HNRNPM: variants seen among roughly 807,000 people sequenced by gnomAD.
HNRNPM encodes the protein heterogeneous nuclear ribonucleoprotein M, also known as CEA receptor.
In HNRNPM, 11 loss-of-function variants were observed where a neutral mutation model predicts 73.1. That is an observed-to-expected ratio of 0.15 (90% CI 0.09 to 0.25). The LOEUF is 0.25. Ranked by LOEUF, HNRNPM falls within the 10% of genes least tolerant of loss-of-function variation. The pLI is 1.00. For missense variants in HNRNPM, 789 were observed against 1,067.9 expected, an observed-to-expected ratio of 0.74 and a Z score of 3.64; for synonymous variants, 407 against 355.2, an observed-to-expected ratio of 1.15 and a Z score of -1.64.
intron 1 of HNRNPM, among the ~76,000 whole-genome samples, chr19:8,446,524 C>T (rs544180760): frequency 1.3e-5 from 2 of 152,318 alleles, no homozygotes; most frequent in South Asian, 4.1e-4. Context: ...ATCCTTCCAT[C>T]TCAGCCTCCT....
chr19:8,445,493 C>T (rs561102493), intron 1 of HNRNPM: 7 of 172,194 alleles, frequency 4.1e-5, no homozygotes, highest in Non-Finnish European at 7.3e-5. Flanking sequence ...CCCCCGTCCC[C>T]TCTCCTCCCG....
chr19:8,445,186 T>G (rs1968045596), intron 1 of HNRNPM, 75 bp downstream of exon 1: 4 of 1,253,220 alleles, frequency 3.2e-6, no homozygotes, highest in South Asian at 4.2e-5. Flanking sequence ...CTCCGTTAGG[T>G]CTGTTGGCGG....
Position 8,486,038 on chromosome 19 carries a change from T to C in HNRNPM, c.1610T>C (p.Met537Thr). The C allele has an allele frequency of 3.1e-6, 5 of 1,605,884 alleles. No homozygotes were observed. Among genetic ancestry groups the C allele is most frequent in the Non-Finnish European group, 4.2e-6 (5 of 1,179,356 alleles). ...ATGGAGCGCATGGTGCCCGCAGGTA[T>C]GGGAGCTGGCCTGGAGCGCATGGGC... ...LSMERMVPAG[M>T]GAGLERMGPV... The change falls in exon 14 of 16, where the codon ATG becomes ACG. Residue 537 changes from methionine (M) to threonine (T), a missense_variant. Around this residue, in one of 4 missense-constraint regions of HNRNPM, gnomAD observed 604 missense variants for 744.0 expected, o/e 0.81. Transcript: ENST00000325495.
chr19:8,470,633 AC>A lies in HNRNPM; in HGVS notation c.896-692del. ...GTGAGCCACTGCGCCTGCCCTTGTT[AC>A]GATTTTTAAAAGCTTACCTGGTTGT... On this transcript the variant is annotated intron_variant, in intron 9 of 15. Coordinates refer to ENST00000325495, the MANE Select transcript of HNRNPM (RefSeq NM_005968.5). Among the ~76,000 whole-genome samples the A allele has an allele frequency of 2.0e-5, 3 of 152,130 alleles. No individual in the cohort carries two copies. In the Middle Eastern group the frequency reaches 0.01, roughly 517 times the overall value.
Position 8,486,277 on chromosome 19 carries a change from G to A in HNRNPM, c.1849G>A (p.Ala617Thr), listed in dbSNP as rs199580243. The A allele has an allele frequency of 8.9e-5, 142 of 1,601,476 alleles. No individual in the cohort carries two copies. The highest frequency in any genetic ancestry group is 1.0e-4 in the Non-Finnish European group (123 of 1,179,874). Reference sequence around the variant, plus strand: ...CCTGGCCATGGGTGGCGGTGGCGGTGCCAGCTTTGACCGTGCCATCGAGAT... The same window carrying A: ...CCTGGCCATGGGTGGCGGTGGCGGTACCAGCTTTGACCGTGCCATCGAGAT... ...MGLAMGGGGGASFDRAIEMER... is the reference protein window; with the variant it reads ...MGLAMGGGGGTSFDRAIEMER... The change falls in exon 14 of 16, where the codon GCC becomes ACC. Residue 617 changes from alanine (A) to threonine (T), a missense_variant. Ala to Thr is a moderately conservative substitution (Grantham distance 58). This residue lies in a region of HNRNPM where 604 missense variants were observed against 744.0 expected (regional missense o/e 0.81). Transcript: ENST00000325495.
In HNRNPM at chr19:8,463,443, C is replaced by A. The variant is rs892187429; in HGVS notation, c.337-54C>A. On this transcript the variant is annotated intron_variant, in intron 3 of 15. Coordinates refer to ENST00000325495, the MANE Select transcript of HNRNPM (RefSeq NM_005968.5). ...TGTCATTGATATTTACTATTTTTTTCTTTTCTTTTTCCCCTTCCTTGCTCT... is the reference window on the plus strand; with the variant it reads ...TGTCATTGATATTTACTATTTTTTTATTTTCTTTTTCCCCTTCCTTGCTCT... 7.6e-6 allele frequency: 12 copies of A among 1,579,720 alleles called. No individual in the cohort carries two copies. The South Asian group carries it at 7.8e-5, about 10-fold the overall frequency.
chr19:8,484,325 C>T (rs971370084), intron 13 of HNRNPM, among the ~76,000 whole-genome samples: 2 of 152,036 alleles, frequency 1.3e-5, no homozygotes, highest in East Asian at 1.9e-4. Context: ...TACGGGCGCA[C>T]GCCACCATAC....
chr19:8,454,684 C>CT (rs57290220), intron 1 of HNRNPM, among the ~76,000 whole-genome samples: 1,506 of 118,782 alleles, frequency 0.013, 5 homozygotes, highest in South Asian at 0.036. Context: ...CCCCCCCCCC[C>CT]TTTTTTTTTT....
At chr19:8,445,370 C>T in intron 1 of HNRNPM, 2 of 357,134 alleles carry the variant, frequency 5.6e-6, no homozygotes, top group East Asian at 4.1e-5. Context: ...GTAGTCGAGG[C>T]CTCAGGCCCA....
chr19:8,462,594 G>C lies in HNRNPM; in HGVS notation c.336+13G>C. On this transcript the variant is annotated intron_variant, in intron 3 of 15. Coordinates refer to ENST00000325495, the MANE Select transcript of HNRNPM (RefSeq NM_005968.5). The surrounding 1 kb of genome is among the most constrained non-coding windows in gnomAD (Gnocchi z 4.5). ...AGGAAAGTCAAGGGTAAGTGTCTGAGAGAATTTCTTCTGTGGATTTACTAC... is the reference window on the plus strand; with the variant it reads ...AGGAAAGTCAAGGGTAAGTGTCTGACAGAATTTCTTCTGTGGATTTACTAC... The C allele has an allele frequency of 1.9e-6, 3 of 1,605,656 alleles. No homozygotes were observed. The highest frequency in any genetic ancestry group is 2.6e-6 in the Non-Finnish European group (3 of 1,172,196).
chr19:8,485,841 C>T lies in HNRNPM; in HGVS notation c.1413C>T (p.Arg471=), dbSNP rs1599858417. Reference sequence around the variant, plus strand: ...ACCACATGGCCTCCAGCATTGAGCGCATGGGCCAGACCATGGAGCGCATTG... The same window carrying T: ...ACCACATGGCCTCCAGCATTGAGCGTATGGGCCAGACCATGGAGCGCATTG... ...GLDHMASSIE[R]MGQTMERIGS... is the part of the protein sequence containing the mutation. Residue 471 remains arginine, a synonymous_variant, in exon 14 of 16, where the codon CGC becomes CGT. Transcript: ENST00000325495. The T allele has an allele frequency of 5.0e-6, 8 of 1,603,626 alleles. No individual in the cohort carries two copies. The East Asian group carries it at 1.8e-4, about 36-fold the overall frequency.
rs760552028 is a variant in HNRNPM at position 8,463,704 on chromosome 19, A to C, written c.438+18A>C. On this transcript the variant is annotated intron_variant, in intron 5 of 15. Coordinates refer to ENST00000325495, the MANE Select transcript of HNRNPM (RefSeq NM_005968.5). ...TCAAAGAAGTAAGCTCTTGCTTAAC[A>C]CTGCGGATACTGTGTGTAATTGTTG... 3.4e-6 allele frequency: 5 copies of C among 1,474,038 alleles called. No individual in the cohort carries two copies. Among genetic ancestry groups the C allele is most frequent in the Non-Finnish European group, 3.8e-6 (4 of 1,053,260 alleles). 91.3% of individuals were successfully genotyped at this position (1,474,038 alleles called of 1,614,324 possible).
At chr19:8,458,589 A>T (rs549525700) in intron 2 of HNRNPM, among the ~76,000 whole-genome samples, 126 of 152,238 alleles carry the variant, frequency 8.3e-4, no homozygotes, top group Non-Finnish European at 1.5e-3. Flanking sequence ...TGCAGTGAGT[A>T]AATAGAGCCC....
At chr19:8,465,896 AT>A (rs1336270220) in intron 6 of HNRNPM, among the ~76,000 whole-genome samples, 2 of 152,140 alleles carry the variant, frequency 1.3e-5, no homozygotes, top group Non-Finnish European at 2.9e-5. Flanking sequence ...AAGGGGAAAT[AT>A]TTTTAGAATA....
Position 8,465,373 on chromosome 19 carries a change from C to T in HNRNPM, c.488C>T (p.Thr163Met), listed in dbSNP as rs370089104. 12 of 1,613,410 alleles carry T rather than the reference C, an allele frequency of 7.4e-6. No homozygotes were observed. Among genetic ancestry groups the T allele is most frequent in the Admixed American group, 1.7e-5 (1 of 59,840 alleles). ...AGAGCAATGCAAAAGGTGATGGCTA[C>T]GACTGGTGGGATGGGTATGGGACCA... ...ARRAMQKVMATTGGMGMGPGG... is the reference protein window; with the variant it reads ...ARRAMQKVMAMTGGMGMGPGG... The change falls in exon 6 of 16, where the codon ACG (threonine) becomes ATG (methionine). Residue 163 changes from threonine (T) to methionine (M), a missense_variant. Physicochemically the swap from Thr to Met is moderately conservative, Grantham distance 81. Transcript: ENST00000325495.
At chr19:8,446,695 G>A (rs958532673) in intron 1 of HNRNPM, among the ~76,000 whole-genome samples, 1 of 152,148 alleles carries the variant, frequency 6.6e-6, no homozygotes, top group Non-Finnish European at 1.5e-5. Context: ...GAGCTACTGC[G>A]CCCTGCCTAG....
intron 1 of HNRNPM, chr19:8,445,550 CGCCCGGGAGGCCTCGCGCGCAGTCA>C (rs1436414574): frequency 2.6e-5 from 4 of 154,844 alleles, no homozygotes; most frequent in African/African-American, 7.2e-5. Context: ...AGAGGGTGCG[CGCCCGGGAGGCCTCGCGCGCAGTCA>C]GCCCGAGTCA....
intron 5 of HNRNPM, among the ~76,000 whole-genome samples, chr19:8,464,524 C>G (rs565543532): frequency 6.9e-4 from 104 of 149,864 alleles, no homozygotes; most frequent in Non-Finnish European, 1.5e-5. Context: ...TCCATCTACT[C>G]GGGAGGCTGA....
chr19:8,462,352 C>G lies in HNRNPM; in HGVS notation c.284-177C>G, dbSNP rs1156367020. ...GGACATATTGTTAACGTGTTTTCACCTACTTTTACTGCACACCTGTAATGC... is the reference window on the plus strand; with the variant it reads ...GGACATATTGTTAACGTGTTTTCACGTACTTTTACTGCACACCTGTAATGC... On this transcript the variant is annotated intron_variant, in intron 2 of 15. Transcript: ENST00000325495. The surrounding 1 kb of genome is among the most constrained non-coding windows in gnomAD (Gnocchi z 4.5). 8.4e-6 allele frequency: 5 copies of G among 596,368 alleles called. No individual in the cohort carries two copies. The highest frequency in any genetic ancestry group is 1.5e-5 in the Non-Finnish European group (5 of 326,816). The allele number at this position is 596,368 out of a possible 1,614,324, so 36.9% of individuals were successfully genotyped here.
Sources: gnomAD v4.1 joint callset for allele counts (sites outside exome capture counted in the v4.1 genomes callset) on GRCh38, gnomAD v4.1.1 for gene constraint, gnomAD v4.1.1 regional missense constraint, Gnocchi (gnomAD v3.1) non-coding constraint, MANE v1.5 for transcripts, NCBI Gene and HGNC (gene_info 2026-07-23, HGNC 2026-07-21) for gene names.